Variants in RBM3 observed in about 807,000 individuals in gnomAD.
RBM3 encodes the protein RNA-binding protein 3.
In RBM3, 3 loss-of-function variants were observed where a neutral mutation model predicts 12.0. That is an observed-to-expected ratio of 0.25 (90% CI 0.11 to 0.65). The LOEUF is 0.65. Among genes scored for constraint, RBM3 ranks in the 30% least tolerant of loss-of-function variants. The pLI, the probability that RBM3 is intolerant of heterozygous loss-of-function variation, is 0.84. For synonymous variants in RBM3, 58 were observed against 45.7 expected (o/e 1.27, Z -1.08); for missense variants, 108 against 134.5 (o/e 0.80, Z 0.97).
rs1161099815 is a variant in RBM3 at position 48,574,538 on chromosome X, G to A, written c.-49G>A. 3 of 332,575 alleles carry A rather than the reference G, an allele frequency of 9.0e-6. No individual in the cohort carries two copies. The highest frequency in any genetic ancestry group is 6.2e-5 in the Admixed American group (2 of 32,345). 27.4% of individuals were successfully genotyped at this position (332,575 alleles called of 1,213,427 possible). On this transcript the variant is annotated 5_prime_UTR_variant, in exon 1 of 7. Transcript: ENST00000376759. ...CTGTTTTTTGTGCTCCTCCGAGCTCGCTGTTCGTCCGGGTTTTTTACGTTT... is the reference window on the plus strand; with the variant it reads ...CTGTTTTTTGTGCTCCTCCGAGCTCACTGTTCGTCCGGGTTTTTTACGTTT...
rs1336545967 is a variant in RBM3, at chrX:48,576,307, C to T, written c.211-7C>T. Reference sequence around the variant, plus strand: ...CAACCCATCATCCTTGTGTCTCCCACACTTAGTCTCTGGATGGTCGTCAGA... The same window carrying T: ...CAACCCATCATCCTTGTGTCTCCCATACTTAGTCTCTGGATGGTCGTCAGA... On this transcript the variant is annotated splice_polypyrimidine_tract_variant and splice_region_variant and intron_variant, in intron 3 of 6. Transcript: ENST00000376759. The T allele has an allele frequency of 8.3e-7, 1 of 1,206,149 alleles. No individual in the cohort carries two copies. The highest frequency in any genetic ancestry group is 3.0e-5 in the East Asian group (1 of 33,691).
rs782421655 is a variant in RBM3, at chrX:48,580,321, TTTC to T, written c.*2885_*2887del. On this transcript the variant is annotated 3_prime_UTR_variant, in exon 7 of 7. Coordinates refer to ENST00000376759, the MANE Select transcript of RBM3 (RefSeq NM_006743.5). Reference sequence around the variant, plus strand: ...TTCAGATCCTTGCTTCCTAGTTTAATTTCTTCTCTGCCTCAGTTATAACATCCA... The same window carrying T: ...TTCAGATCCTTGCTTCCTAGTTTAATTTCTCTGCCTCAGTTATAACATCCA... Among the ~76,000 whole-genome samples the T allele has an allele frequency of 8.9e-6, 1 of 111,893 alleles. No homozygotes were observed. The highest frequency in any genetic ancestry group is 9.6e-5 in the Admixed American group (1 of 10,406).
rs1217905751 is a variant in RBM3, at chrX:48,575,331, G to A, written c.103+48G>A. On this transcript the variant is annotated intron_variant, in intron 2 of 6. Coordinates refer to ENST00000376759, the MANE Select transcript of RBM3 (RefSeq NM_006743.5). ...TGGGGGTTGGTGAGAGAAAGTCTGG[G>A]ATCCTTGCATTTCAAGGAGTATTAA... The A allele has an allele frequency of 4.6e-6, 5 of 1,083,644 alleles. No homozygotes were observed. The African/African-American group carries it at 9.2e-5, about 20-fold the overall frequency. The allele number at this position is 1,083,644 out of a possible 1,213,427, so 89.3% of individuals were successfully genotyped here.
At chrX:48,576,473 T>C in intron 4 of RBM3, 35 bp from the exon 5 acceptor site, 1 of 1,195,743 alleles carries the variant, frequency 8.4e-7, no homozygotes, top group Non-Finnish European at 1.1e-6. Context: ...TGCCTATGTG[T>C]GGACAACTGC....
Position 48,578,663 on chromosome X carries a change from T to G in RBM3, c.*1222T>G, listed in dbSNP as rs2062091464. 2 of 111,803 alleles carry G rather than the reference T, an allele frequency of 1.8e-5. No homozygotes were observed. Among genetic ancestry groups the G allele is most frequent in the Non-Finnish European group, 3.8e-5 (2 of 53,189 alleles). The allele number at this position is 111,803 out of a possible 1,213,427, so 9.2% of individuals were successfully genotyped here. On this transcript the variant is annotated 3_prime_UTR_variant, in exon 7 of 7. Transcript: ENST00000376759. Reference sequence around the variant, plus strand: ...GACTGCCAGAGGGTTAGGTGTACATTGAGGCCTGAGGCCTGCTGGAATTGG... The same window carrying G: ...GACTGCCAGAGGGTTAGGTGTACATGGAGGCCTGAGGCCTGCTGGAATTGG...
At chrX:48,576,258 C>G in intron 3 of RBM3, 56 bp from the exon 4 acceptor site, 1 of 1,175,522 alleles carries the variant, frequency 8.5e-7, no homozygotes, top group Non-Finnish European at 1.1e-6. Flanking sequence ...CTGCTCTTCC[C>G]TCACCATTGC....
At position 48,576,327 on chromosome X, in the gene RBM3, G is replaced by A. The variant is rs2062079679; in HGVS notation, c.224G>A (p.Arg75His). The A allele has an allele frequency of 9.9e-6, 12 of 1,208,214 alleles. No homozygotes were observed. Among genetic ancestry groups the A allele is most frequent in the Admixed American group, 2.2e-5 (1 of 45,497 alleles). ...TCCCACACTTAGTCTCTGGATGGTC[G>A]TCAGATCCGTGTGGATCATGCAGGC... ...RAMNGESLDG[R>H]QIRVDHAGKS... The change falls in exon 4 of 7, where the codon CGT (arginine) becomes CAT (histidine). Residue 75 changes from arginine to histidine, a missense_variant. Transcript: ENST00000376759.
intron 3 of RBM3, 122 bp from the exon 4 acceptor site, chrX:48,576,192 C>T (rs1556989158): frequency 6.0e-6 from 7 of 1,165,859 alleles, no homozygotes; most frequent in Non-Finnish European, 8.0e-6. Flanking sequence ...GAACATGGCA[C>T]CCAGAACCTG....
At position 48,580,538 on chromosome X, in the gene RBM3, A is replaced by G. The variant is rs1259492104; in HGVS notation, c.*3097A>G. On this transcript the variant is annotated 3_prime_UTR_variant, in exon 7 of 7. Coordinates refer to ENST00000376759, the MANE Select transcript of RBM3 (RefSeq NM_006743.5). ...CAGCCTCCCAAGTAGCTGGGATTAC[A>G]GGTGCCTGCCACCACGCCCGGCTAA... Among the ~76,000 whole-genome samples, 1 of 111,132 alleles carries G rather than the reference A, an allele frequency of 9.0e-6. No homozygotes were observed. Among genetic ancestry groups the G allele is most frequent in the Non-Finnish European group, 1.9e-5 (1 of 53,051 alleles).
chrX:48,576,547 A>C lies in RBM3; in HGVS notation c.356A>C (p.Asp119Ala). Residue 119 changes from aspartate to alanine, a missense_variant, in exon 5 of 7, where the codon GAC (aspartate) becomes GCC (alanine). Asp to Ala is a moderately radical substitution (Grantham distance 126, BLOSUM62 -2). This residue lies in a region of RBM3 where 65 missense variants were observed against 54.9 expected (regional missense o/e 1.18). Transcript: ENST00000376759. ...GGCTATGGGAGTGGCAGGTATTATG[A>C]CAGTCGACCTGGAGGGTATGGATAT... Reference protein sequence around the residue: ...DQGYGSGRYYDSRPGGYGYGY... With the variant: ...DQGYGSGRYYASRPGGYGYGY... 1 of 1,187,483 alleles carries C rather than the reference A, an allele frequency of 8.4e-7. No individual in the cohort carries two copies. The highest frequency in any genetic ancestry group is 1.1e-6 in the Non-Finnish European group (1 of 882,917).
In RBM3 at chrX:48,577,798, C is replaced by T. The variant is rs1174206593; in HGVS notation, c.*357C>T. ...TGACTTCAAAAAATTAATGTGTATC[C>T]AGGGACATTTTAAAAACCTGTACAC... is the stretch of plus-strand genomic sequence containing the variant. On this transcript the variant is annotated 3_prime_UTR_variant, in exon 7 of 7. Transcript: ENST00000376759. 1 of 181,728 alleles carries T rather than the reference C, an allele frequency of 5.5e-6. No individual in the cohort carries two copies. Among genetic ancestry groups the T allele is most frequent in the African/African-American group, 3.2e-5 (1 of 31,726 alleles). The allele number at this position is 181,728 out of a possible 1,213,427, so 15.0% of individuals were successfully genotyped here.
rs1301557605 is a variant in RBM3, at chrX:48,580,551, C to T, written c.*3110C>T. 1.8e-5 allele frequency among the ~76,000 whole-genome samples: 2 copies of T among 111,274 alleles called. No homozygotes were observed. The highest frequency in any genetic ancestry group is 3.8e-5 in the Non-Finnish European group (2 of 53,073). ...AGCTGGGATTACAGGTGCCTGCCAC[C>T]ACGCCCGGCTAATTTTTGTATTAAT... On this transcript the variant is annotated 3_prime_UTR_variant, in exon 7 of 7. Transcript: ENST00000376759.
chrX:48,575,400 A>G, intron 2 of RBM3, 117 bp downstream of exon 2: 1 of 841,253 alleles, frequency 1.2e-6, no homozygotes, highest in Non-Finnish European at 1.7e-6. Context: ...TTTCTTCCTA[A>G]GCCTATGGTG....
At chrX:48,576,826 CAT>C (rs1251882052) in intron 5 of RBM3, among the ~76,000 whole-genome samples, 198 bp from the exon 6 acceptor site, 3 of 112,173 alleles carry the variant, frequency 2.7e-5, no homozygotes, top group African/African-American at 9.7e-5. Flanking sequence ...ATTGCTTTAA[CAT>C]GTAATATGAT....
Position 48,574,537 on chromosome X carries a change from C to T in RBM3, c.-50C>T, listed in dbSNP as rs1346056861. The T allele has an allele frequency of 6.0e-6, 2 of 332,447 alleles. No individual in the cohort carries two copies. The highest frequency in any genetic ancestry group is 1.2e-5 in the Non-Finnish European group (2 of 170,385). The allele number at this position is 332,447 out of a possible 1,213,427, so 27.4% of individuals were successfully genotyped here. ...CCTGTTTTTTGTGCTCCTCCGAGCT[C>T]GCTGTTCGTCCGGGTTTTTTACGTT... On this transcript the variant is annotated 5_prime_UTR_variant, in exon 1 of 7. Transcript: ENST00000376759.
In RBM3 at chrX:48,579,940, C is replaced by G. The variant is rs1192451372; in HGVS notation, c.*2499C>G. On this transcript the variant is annotated 3_prime_UTR_variant, in exon 7 of 7. Coordinates refer to ENST00000376759, the MANE Select transcript of RBM3 (RefSeq NM_006743.5). ...GCCATAGTCTGTGATGAATAAAGTT[C>G]CAGATTTGAGGTCAACCCCCGACCA... is the stretch of plus-strand genomic sequence containing the variant. 9.0e-6 allele frequency: 1 copy of G among 111,023 alleles called. No individual in the cohort carries two copies. The highest frequency in any genetic ancestry group is 3.3e-5 in the African/African-American group (1 of 30,485). 9.1% of individuals were successfully genotyped at this position (111,023 alleles called of 1,213,427 possible).
chrX:48,577,263 CAGGTGCATATCAG>C (rs1282086432), intron 6 of RBM3, 154 bp downstream of exon 6: 2 of 1,106,327 alleles, frequency 1.8e-6, no homozygotes, highest in Non-Finnish European at 2.4e-6. Context: ...TCCTTGCTCT[CAGGTGCATATCAG>C]AGCAAGTTTG....
At chrX:48,576,663 C>T in intron 5 of RBM3, 59 bp downstream of exon 5, 16 of 1,141,007 alleles carry the variant, frequency 1.4e-5, no homozygotes, top group East Asian at 6.7e-5. Context: ...AAGAACTCAG[C>T]GCCTGGGTGT....
chrX:48,577,105 T>TA lies in RBM3; in HGVS notation c.*20dup. 1 of 1,211,690 alleles carries TA rather than the reference T, an allele frequency of 8.3e-7. No homozygotes were observed. Among genetic ancestry groups the TA allele is most frequent in the Admixed American group, 2.2e-5 (1 of 45,943 alleles). ...CAACTGAAATGAGACATGCACATAA[T>TA]ATAGGTGAGACTTGGATATCGGCAT... On this transcript the variant is annotated 3_prime_UTR_variant, in exon 6 of 7. Coordinates refer to ENST00000376759, the MANE Select transcript of RBM3 (RefSeq NM_006743.5).
Sources: allele counts gnomAD v4.1 joint callset (sites outside exome capture counted in the v4.1 genomes callset), GRCh38; gene constraint gnomAD v4.1.1; regional missense constraint gnomAD v4.1.1; transcripts MANE v1.5; gene names NCBI Gene and HGNC (gene_info 2026-07-23, HGNC 2026-07-21).